The following GSE1 variants were observed in gnomAD, a reference collection of about 807,000 sequenced individuals.
GSE1 encodes genetic suppressor element 1.
A neutral mutation model predicts 112.6 loss-of-function variants in GSE1; 32 were observed. The observed-to-expected ratio is 0.28, with a 90% CI of 0.21 to 0.38. The LOEUF is 0.38. Among genes scored for constraint, GSE1 ranks in the 10% least tolerant of loss-of-function variants. The pLI is 1.00. For synonymous variants in GSE1, 1,115 were observed against 735.6 expected, an observed-to-expected ratio of 1.52 and a Z score of -8.35; for missense variants, 2,348 against 1,699.2, an observed-to-expected ratio of 1.38 and a Z score of -6.71.
intron 1 of GSE1, among the ~76,000 whole-genome samples, chr16:85,243,043 G>C (rs1185733565): frequency 6.6e-6 from 1 of 152,070 alleles, no homozygotes; most frequent in African/African-American, 2.4e-5. Flanking sequence ...GGACTCCTAG[G>C]CTCAAGCAAT....
chr16:85,652,780 G>T (rs942168952), intron 3 of GSE1, among the ~76,000 whole-genome samples: 2 of 152,178 alleles, frequency 1.3e-5, no homozygotes, highest in African/African-American at 4.8e-5. Context: ...CGGTGGGGCA[G>T]GTCTCAGAGC....
chr16:85,400,718 GTC>G (rs1438683582), intron 2 of GSE1, among the ~76,000 whole-genome samples: 1 of 151,364 alleles, frequency 6.6e-6, no homozygotes, highest in African/African-American at 2.4e-5. Flanking sequence ...ATGTGTCTGT[GTC>G]TCTGTGTGGT....
chr16:85,560,016 C>T (rs755181702), intron 1 of GSE1, among the ~76,000 whole-genome samples: 12 of 151,768 alleles, frequency 7.9e-5, no homozygotes, highest in Non-Finnish European at 1.3e-4. Context: ...ATGAAGTTAG[C>T]GCTTGTCGAG....
intron 1 of GSE1, among the ~76,000 whole-genome samples, chr16:85,237,449 G>A (rs941576353): frequency 2.6e-5 from 4 of 152,182 alleles, no homozygotes; most frequent in Non-Finnish European, 5.9e-5. Context: ...GAGGGCAGAG[G>A]TGGGGCTACA....
At chr16:85,509,556 C>G (rs1214423167) in intron 2 of GSE1, among the ~76,000 whole-genome samples, 2 of 152,250 alleles carry the variant, frequency 1.3e-5, no homozygotes, top group African/African-American at 4.8e-5. Context: ...CCCTCGCTGT[C>G]ATCAGCTTGC....
chr16:85,260,282 A>T (rs528770900), intron 1 of GSE1, among the ~76,000 whole-genome samples: 1 of 150,224 alleles, frequency 6.7e-6, no homozygotes, highest in East Asian at 2.0e-4. Context: ...GTCAGGTGAA[A>T]CATTTCTTTT....
chr16:85,608,490 G>A (rs1480233836), upstream of GSE1, among the ~76,000 whole-genome samples: 3 of 151,658 alleles, frequency 2.0e-5, no homozygotes, highest in African/African-American at 7.3e-5. Context: ...CAGCTGCCCA[G>A]AGGTAAGAGC....
intron 2 of GSE1, among the ~76,000 whole-genome samples, chr16:85,646,900 G>A (rs1001742960): frequency 6.6e-6 from 1 of 151,970 alleles, no homozygotes; most frequent in East Asian, 1.9e-4. Context: ...CAAGGGGGGG[G>A]GTGGGGGCTC....
chr16:85,484,363 C>T (rs1203400744), intron 2 of GSE1, among the ~76,000 whole-genome samples: 1 of 152,242 alleles, frequency 6.6e-6, no homozygotes, highest in East Asian at 1.9e-4. Context: ...TCGACAGGTT[C>T]CTTCTGGAGA....
At chr16:85,285,479 T>G (rs1157094625) in intron 1 of GSE1, 1 of 151,918 alleles carries the variant, frequency 6.6e-6, no homozygotes, top group African/African-American at 2.4e-5. Flanking sequence ...GTCAGGAGTT[T>G]GAGACCAGCC....
At chr16:85,428,500 G>A (rs931651232) in intron 2 of GSE1, among the ~76,000 whole-genome samples, 3 of 152,238 alleles carry the variant, frequency 2.0e-5, no homozygotes, top group African/African-American at 7.2e-5. Flanking sequence ...GCCTCACGGG[G>A]TGCTGAGGCA....
chr16:85,666,752 C>A, intron 13 of GSE1: 1 of 220,276 alleles, frequency 4.5e-6, no homozygotes, highest in South Asian at 5.9e-5. Flanking sequence ...ATGCAGATGG[C>A]CGCCAGTCCT....
intron 2 of GSE1, among the ~76,000 whole-genome samples, chr16:85,374,392 T>A (rs1259044422): frequency 6.6e-6 from 1 of 150,996 alleles, no homozygotes; most frequent in African/African-American, 2.4e-5. Flanking sequence ...ATGTGTGTGG[T>A]TGTGTGTGGC....
intron 2 of GSE1, among the ~76,000 whole-genome samples, chr16:85,441,398 C>T (rs1047121176): frequency 2.0e-5 from 3 of 152,174 alleles, no homozygotes; most frequent in African/African-American, 4.8e-5. Flanking sequence ...CTCACGCCTG[C>T]GGTCCCAGCA....
At chr16:85,671,427 G>A (rs1021934913) in intron 15 of GSE1, among the ~76,000 whole-genome samples, 55 of 82,296 alleles carry the variant, frequency 6.7e-4, no homozygotes, top group African/African-American at 1.9e-3. Flanking sequence ...GCGACAGAGC[G>A]AGACTCCGTC....
chr16:85,338,136 G>A (rs2046544739), intron 1 of GSE1, among the ~76,000 whole-genome samples: 1 of 152,204 alleles, frequency 6.6e-6, no homozygotes, highest in Non-Finnish European at 1.5e-5. Flanking sequence ...GGAGCCCTGA[G>A]CCTGGGCTGC....
chr16:85,237,622 C>T (rs184106908), intron 1 of GSE1, among the ~76,000 whole-genome samples: 8 of 151,762 alleles, frequency 5.3e-5, no homozygotes, highest in East Asian at 3.9e-4. Flanking sequence ...GCAGATCACG[C>T]GGTCAGGAGA....
chr16:85,553,551 C>T (rs1215689094), upstream of GSE1, among the ~76,000 whole-genome samples: 2 of 151,952 alleles, frequency 1.3e-5, no homozygotes, highest in African/African-American at 4.8e-5. Flanking sequence ...CCAGGCGGGG[C>T]GCAGCAGCGA....
chr16:85,561,779 C>G (rs887801186), intron 1 of GSE1, among the ~76,000 whole-genome samples: 1 of 152,368 alleles, frequency 6.6e-6, no homozygotes, highest in Admixed American at 6.5e-5. Flanking sequence ...GAGGCTGAGG[C>G]TTCCCCTGCT....
Sources: gnomAD v4.1 joint callset for allele counts (sites outside exome capture counted in the v4.1 genomes callset) on GRCh38, gnomAD v4.1.1 for gene constraint, MANE v1.5 for transcripts, NCBI Gene and HGNC (gene_info 2026-07-23, HGNC 2026-07-21) for gene names.